The following CNIH3 variants were observed in gnomAD, a reference collection of about 807,000 sequenced individuals.
CNIH3 encodes the protein protein cornichon homolog 3.
CNIH3 carries 14 observed loss-of-function variants against 24.1 expected under a neutral mutation model. The observed-to-expected ratio is 0.58, with a 90% CI of 0.38 to 0.91. CNIH3 has a LOEUF of 0.91. Among genes scored for constraint, CNIH3 ranks in the 40% least tolerant of loss-of-function variants. The probability of loss-of-function intolerance (pLI) is 0.00; values close to 1 mark genes in which losing one functional copy is unlikely to be tolerated. For synonymous variants in CNIH3, 68 were observed against 73.8 expected (o/e 0.92, Z 0.40); for missense variants, 178 against 196.8 (o/e 0.90, Z 0.57).
At chr1:224,551,252 T>C (rs1475817273) in intron 3 of CNIH3, among the ~76,000 whole-genome samples, 1 of 152,166 alleles carries the variant, frequency 6.6e-6, no homozygotes, top group Non-Finnish European at 1.5e-5. Flanking sequence ...ATCATGCTGC[T>C]ATAAAGACAC....
chr1:224,435,201 AG>A, intron 1 of CNIH3: 1 of 986,474 alleles, frequency 1.0e-6, no homozygotes, highest in Non-Finnish European at 1.2e-6. Context: ...AGGATGGGGC[AG>A]GGGGCTAGGA....
chr1:224,578,605 C>T (rs750612252), intron 4 of CNIH3, among the ~76,000 whole-genome samples: 5 of 152,084 alleles, frequency 3.3e-5, no homozygotes, highest in Non-Finnish European at 7.3e-5. Flanking sequence ...TAGTATCTCC[C>T]TGATAAAGGT....
At chr1:224,731,112 G>A (rs996063727) in intron 4 of CNIH3, among the ~76,000 whole-genome samples, 4 of 152,074 alleles carry the variant, frequency 2.6e-5, no homozygotes, top group Admixed American at 2.0e-4. Flanking sequence ...ATGAGAATAG[G>A]GAATGACTGC....
chr1:224,728,039 A>G (rs1340591840), intron 3 of CNIH3, among the ~76,000 whole-genome samples: 2 of 152,202 alleles, frequency 1.3e-5, no homozygotes, highest in Admixed American at 1.3e-4. Context: ...AGAGAGAAGA[A>G]GCAGTGGTGA....
Position 224,617,049 on chromosome 1 carries a change from C to T in CNIH3, c.-126C>T. 6.8e-7 allele frequency: 1 copy of T among 1,468,598 alleles called. No homozygotes were observed. Among genetic ancestry groups the T allele is most frequent in the Non-Finnish European group, 9.0e-7 (1 of 1,115,896 alleles). The allele number at this position is 1,468,598 out of a possible 1,614,324, so 91.0% of individuals were successfully genotyped here. On this transcript the variant is annotated 5_prime_UTR_variant, in exon 1 of 6. Coordinates refer to ENST00000272133, the MANE Select transcript of CNIH3 (RefSeq NM_152495.2). ...CGAGTCGCTTCGCTAGCTGTGCGCC[C>T]TCCTGGGCACTAGCCTGGAGAGGAG...
intron 3 of CNIH3, among the ~76,000 whole-genome samples, chr1:224,705,466 A>G (rs531647789): frequency 1.3e-5 from 2 of 152,300 alleles, no homozygotes; most frequent in South Asian, 4.1e-4. Context: ...TTAGTTATGC[A>G]GAGTCACAAG....
rs371896946 is a variant in CNIH3 at position 224,653,838 on chromosome 1, G to A, written c.82-27120G>A. ...TGCACACCTGTAATCCCAGCACTTCGGTAGGCCGAGGCAGGCTGACTGCTT... is the reference window on the plus strand; with the variant it reads ...TGCACACCTGTAATCCCAGCACTTCAGTAGGCCGAGGCAGGCTGACTGCTT... On this transcript the variant is annotated intron_variant, in intron 1 of 5. Coordinates refer to ENST00000272133, the MANE Select transcript of CNIH3 (RefSeq NM_152495.2). Among the ~76,000 whole-genome samples, 68 of 152,320 alleles carry A rather than the reference G, an allele frequency of 4.5e-4. 1 individual carries two copies. In the South Asian group the frequency reaches 0.014, roughly 31 times the overall value.
chr1:224,536,307 T>C (rs1679281424), intron 2 of CNIH3, among the ~76,000 whole-genome samples: 1 of 145,898 alleles, frequency 6.9e-6, no homozygotes. Flanking sequence ...TTTTTTTTTT[T>C]TGAGACAGAG....
intron 1 of CNIH3, among the ~76,000 whole-genome samples, chr1:224,679,827 T>C (rs1463375710): frequency 6.6e-6 from 1 of 152,226 alleles, no homozygotes; most frequent in Non-Finnish European, 1.5e-5. Flanking sequence ...GCTTCCTTGC[T>C]TCAGCAATTC....
chr1:224,516,472 C>T (rs948393921), intron 1 of CNIH3, among the ~76,000 whole-genome samples: 2 of 152,126 alleles, frequency 1.3e-5, no homozygotes, highest in African/African-American at 4.8e-5. Flanking sequence ...CCTTAGAGGG[C>T]AGGTATGGCA....
intron 3 of CNIH3, among the ~76,000 whole-genome samples, chr1:224,688,969 C>G (rs1463785514): frequency 6.6e-6 from 1 of 151,076 alleles, no homozygotes; most frequent in Non-Finnish European, 1.5e-5. Flanking sequence ...TTGAATTTAA[C>G]TCAATATTGT....
intron 3 of CNIH3, among the ~76,000 whole-genome samples, chr1:224,605,043 A>G (rs1415956676): frequency 6.6e-6 from 1 of 152,186 alleles, no homozygotes; most frequent in Non-Finnish European, 1.5e-5. Context: ...TAGGCAAAAA[A>G]GGCTAAAGCA....
intron 1 of CNIH3, among the ~76,000 whole-genome samples, chr1:224,671,525 G>A (rs4147293): frequency 0.5 from 75,741 of 152,094 alleles, 19,172 homozygotes; most frequent in East Asian, 0.65. Context: ...AAGAAAGAGA[G>A]ATGGGGAAGG....
chr1:224,534,113 C>T (rs1679188751), intron 2 of CNIH3, among the ~76,000 whole-genome samples: 1 of 152,184 alleles, frequency 6.6e-6, no homozygotes, highest in Non-Finnish European at 1.5e-5. Context: ...TTCAGTGAGC[C>T]ATGATCATGC....
intron 1 of CNIH3, among the ~76,000 whole-genome samples, chr1:224,663,221 TC>T (rs1006138006): frequency 6.6e-6 from 1 of 152,004 alleles, no homozygotes; most frequent in Non-Finnish European, 1.5e-5. Flanking sequence ...TGAGATGAGA[TC>T]AGGCCATTCG....
chr1:224,560,687 A>C (rs921649187), intron 3 of CNIH3, among the ~76,000 whole-genome samples: 6 of 151,882 alleles, frequency 4.0e-5, no homozygotes, highest in African/African-American at 1.5e-4. Flanking sequence ...TCACCCCCAG[A>C]TGGGACCATC....
At chr1:224,575,779 T>C (rs1403140599) in intron 4 of CNIH3, among the ~76,000 whole-genome samples, 1 of 151,844 alleles carries the variant, frequency 6.6e-6, no homozygotes, top group Non-Finnish European at 1.5e-5. Context: ...TGAAGAAAAA[T>C]TACGAAGATC....
At chr1:224,461,351 A>G (rs1350394038) in intron 1 of CNIH3, among the ~76,000 whole-genome samples, 4 of 152,134 alleles carry the variant, frequency 2.6e-5, no homozygotes, top group Non-Finnish European at 5.9e-5. Context: ...CTTATTTTTG[A>G]TGCATTATAC....
chr1:224,562,831 C>A (rs1285200968), intron 3 of CNIH3, among the ~76,000 whole-genome samples: 1 of 152,112 alleles, frequency 6.6e-6, no homozygotes, highest in African/African-American at 2.4e-5. Flanking sequence ...CCACCAGGAG[C>A]AGATGCTGGC....
Sources: allele counts gnomAD v4.1 joint callset (sites outside exome capture counted in the v4.1 genomes callset), GRCh38; gene constraint gnomAD v4.1.1; transcripts MANE v1.5; gene names NCBI Gene and HGNC (gene_info 2026-07-23, HGNC 2026-07-21).